MSI2: variants seen among roughly 807,000 people sequenced by gnomAD.
MSI2 encodes RNA-binding protein Musashi homolog 2.
Under a neutral mutation model 45.6 loss-of-function variants are expected in MSI2, and 17 were observed. That is an observed-to-expected ratio of 0.37 (90% confidence interval 0.26 to 0.56). MSI2 has a LOEUF of 0.56. Among genes scored for constraint, MSI2 ranks in the 20% least tolerant of loss-of-function variants. The pLI is 0.77. For synonymous variants in MSI2, 156 were observed against 158.2 expected (o/e 0.99, Z 0.11); for missense variants, 293 against 444.2 (o/e 0.66, Z 3.06).
At chr17:57,631,772 T>C (rs760320491) in intron 10 of MSI2, 1 of 1,602,654 alleles carries the variant, frequency 6.2e-7, no homozygotes, top group South Asian at 1.1e-5. Context: ...TTAATTTCTG[T>C]TCTTATTTCA....
Position 57,677,204 on chromosome 17 carries a change from G to A in MSI2, c.*31+145G>A, listed in dbSNP as rs117897991. The A allele has an allele frequency of 8.5e-4, 527 of 618,400 alleles. 5 individuals are homozygous for A. The East Asian group carries it at 0.013, about 16-fold the overall frequency. The allele number at this position is 618,400 out of a possible 1,614,324, so 38.3% of individuals were successfully genotyped here. On this transcript the variant is annotated intron_variant, in intron 13 of 13. Transcript: ENST00000284073. ...TCTGGACCCCTTTTCAGGAGGGTGG[G>A]GGCAAAAGCAAATCCAGTCGTTTAA...
At chr17:57,258,415 C>G in intron 4 of MSI2, 61 bp downstream of exon 4, 1 of 1,370,068 alleles carries the variant, frequency 7.3e-7, no homozygotes, top group Non-Finnish European at 1.0e-6. Flanking sequence ...GCATTGACAG[C>G]CCCATTTAAA....
intron 10 of MSI2, chr17:57,628,148 G>T (rs530971685): frequency 6.6e-6 from 1 of 152,470 alleles, no homozygotes; most frequent in East Asian, 1.9e-4. Context: ...TCCAGAGGAG[G>T]TGTAGGGACA....
chr17:57,390,075 CA>C (rs55932533), intron 5 of MSI2, among the ~76,000 whole-genome samples: 4,232 of 139,234 alleles, frequency 0.03, 206 homozygotes, highest in African/African-American at 0.1. Flanking sequence ...CTGTCTTTAC[CA>C]AAAAAAAAAA....
At chr17:57,257,039 C>T (rs770686598) in intron 1 of MSI2, 59 bp from the exon 2 acceptor site, 9 of 1,454,552 alleles carry the variant, frequency 6.2e-6, no homozygotes, top group Admixed American at 1.8e-5. Flanking sequence ...TTGTAAGTTA[C>T]ACGTCAAAAT....
intron 6 of MSI2, among the ~76,000 whole-genome samples, chr17:57,443,958 C>T (rs184340219): frequency 6.6e-6 from 1 of 152,282 alleles, no homozygotes; most frequent in Non-Finnish European, 1.5e-5. Flanking sequence ...GTCAGATGCC[C>T]TAACGGATTC....
At chr17:57,490,145 A>G (rs996889401) in intron 6 of MSI2, among the ~76,000 whole-genome samples, 7 of 152,224 alleles carry the variant, frequency 4.6e-5, no homozygotes, top group African/African-American at 1.4e-4. Context: ...AATGGGGATC[A>G]TCAAGCCTAT....
intron 5 of MSI2, among the ~76,000 whole-genome samples, chr17:57,322,272 G>A (rs754831663): frequency 2.0e-5 from 3 of 152,164 alleles, no homozygotes; most frequent in Non-Finnish European, 4.4e-5. Flanking sequence ...GGTCCTGAGC[G>A]CAGGAGGCAG....
chr17:57,378,932 T>C (rs574530000), intron 5 of MSI2, among the ~76,000 whole-genome samples: 63 of 152,236 alleles, frequency 4.1e-4, no homozygotes, highest in African/African-American at 1.5e-3. Context: ...CCCAAAATGC[T>C]ACCTGTGCTA....
At chr17:57,350,781 A>T (rs1423360224) in intron 5 of MSI2, among the ~76,000 whole-genome samples, 2 of 152,026 alleles carry the variant, frequency 1.3e-5, no homozygotes, top group Non-Finnish European at 2.9e-5. Context: ...TGTCAATACC[A>T]TGGCACGTTT....
chr17:57,693,874 G>A, the MSI2 span, among the ~76,000 whole-genome samples: 8 of 152,206 alleles, frequency 5.3e-5, no homozygotes, highest in South Asian at 1.7e-3. Context: ...TGGTCCTTGG[G>A]CCAAATCAGG....
chr17:57,453,847 G>T (rs531195732), intron 6 of MSI2, among the ~76,000 whole-genome samples: 1 of 152,206 alleles, frequency 6.6e-6, no homozygotes, highest in Non-Finnish European at 1.5e-5. Flanking sequence ...ACAGGTGAGG[G>T]ATTGGGCTAT....
intron 4 of MSI2, chr17:57,260,126 C>G (rs1167974059): frequency 1.3e-5 from 2 of 152,114 alleles, no homozygotes; most frequent in African/African-American, 2.4e-5. Flanking sequence ...GTAAGTAGAG[C>G]TGTACCTAAC....
At chr17:57,268,723 C>T (rs1908065863) in intron 5 of MSI2, among the ~76,000 whole-genome samples, 2 of 152,072 alleles carry the variant, frequency 1.3e-5, no homozygotes, top group Admixed American at 6.5e-5. Context: ...GTAATCCCAG[C>T]TACTCGGGAG....
intron 5 of MSI2, among the ~76,000 whole-genome samples, chr17:57,329,000 A>G (rs952784331): frequency 3.9e-5 from 6 of 152,114 alleles, no homozygotes; most frequent in African/African-American, 1.4e-4. Flanking sequence ...AGGCTGAGGC[A>G]GGAGAATCGC....
intron 11 of MSI2, among the ~76,000 whole-genome samples, chr17:57,658,631 A>G (rs1335379141): frequency 2.0e-5 from 3 of 152,262 alleles, no homozygotes; most frequent in African/African-American, 4.8e-5. Flanking sequence ...AATCAACTCT[A>G]GTGCAATTAG....
intron 9 of MSI2, chr17:57,625,641 T>G (rs964727131): frequency 2.6e-5 from 4 of 152,228 alleles, no homozygotes; most frequent in Non-Finnish European, 5.9e-5. Context: ...TGCCCTCAAT[T>G]GCTGGAGAGC....
chr17:57,648,488 C>T (rs1910871039), intron 10 of MSI2, among the ~76,000 whole-genome samples: 1 of 152,196 alleles, frequency 6.6e-6, no homozygotes, highest in South Asian at 2.1e-4. Flanking sequence ...CCCAGACAGG[C>T]TCCAGGTCTG....
At chr17:57,322,145 T>G (rs112208371) in intron 5 of MSI2, among the ~76,000 whole-genome samples, 2 of 152,140 alleles carry the variant, frequency 1.3e-5, no homozygotes, top group African/African-American at 4.8e-5. Context: ...GGGTGTGTCA[T>G]GTTTATAGCT....
Sources: allele counts gnomAD v4.1 joint callset (sites outside exome capture counted in the v4.1 genomes callset), GRCh38; gene constraint gnomAD v4.1.1; transcripts MANE v1.5; gene names NCBI Gene and HGNC (gene_info 2026-07-23, HGNC 2026-07-21).